TMEM269: variants seen among roughly 807,000 people sequenced by gnomAD.
The protein encoded by TMEM269 is transmembrane protein 269.
TMEM269 carries 12 observed loss-of-function variants against 15.8 expected under a neutral mutation model. The ratio of observed to expected loss-of-function variants is 0.76; its 90% CI spans 0.49 to 1.23. TMEM269 has a LOEUF of 1.23. Among genes scored for constraint, TMEM269 ranks in the 50% most tolerant of loss-of-function variants. TMEM269 has a pLI of 0.00. For synonymous variants in TMEM269, 93 were observed against 99.3 expected, an observed-to-expected ratio of 0.94 and a Z score of 0.38; for missense variants, 211 against 245.4, an observed-to-expected ratio of 0.86 and a Z score of 0.94.
rs976017722 is a variant in TMEM269 at position 42,800,066 on chromosome 1, T to C, written c.*1841T>C. ...ATGCAATTCTGAAAGAGAATTTCCA[T>C]GTCCATTTTAAGTGACAGCAGCAGA... On this transcript the variant is annotated 3_prime_UTR_variant, in exon 6 of 6. Transcript: ENST00000637012. 17 of 152,224 alleles carry C rather than the reference T, an allele frequency of 1.1e-4. No individual in the cohort carries two copies. Among genetic ancestry groups the C allele is most frequent in the Admixed American group, 9.8e-4 (15 of 15,278 alleles). 9.4% of individuals were successfully genotyped at this position (152,224 alleles called of 1,614,324 possible). A position where few individuals can be genotyped will look rare whatever the true frequency, so the allele number is the denominator to read the frequency against.
intron 5 of TMEM269, 117 bp downstream of exon 5, chr1:42,794,730 T>A: frequency 1.4e-6 from 1 of 736,068 alleles, no homozygotes; most frequent in Non-Finnish European, 2.3e-6. Flanking sequence ...ATAGAACTGA[T>A]AATCATCTGA....
In TMEM269 at chr1:42,788,578, A is replaced by T. The variant is rs1442059627; in HGVS notation, c.-98-1218A>T. ...GGAGAGACTGGGAGAGACTGGGAGC[A>T]CTGGGGGGCCTGGGCTGGACGGTCC... is the stretch of plus-strand genomic sequence containing the variant. On this transcript the variant is annotated intron_variant, in intron 1 of 5. Transcript: ENST00000637012. This position sits in a 1 kb window ranked among gnomAD's most constrained non-coding sequence, Gnocchi z 4.0. Among the ~76,000 whole-genome samples the T allele has an allele frequency of 6.6e-6, 1 of 152,112 alleles. No individual in the cohort carries two copies. Among genetic ancestry groups the T allele is most frequent in the Non-Finnish European group, 1.5e-5 (1 of 68,016 alleles).
chr1:42,793,798 G>A, intron 4 of TMEM269, 54 bp downstream of exon 4: 1 of 1,511,170 alleles, frequency 6.6e-7, no homozygotes, highest in South Asian at 1.3e-5. Context: ...ACAGAACGGG[G>A]GGCTGTCGGG....
At chr1:42,795,645 G>C (rs933864751) in intron 5 of TMEM269, among the ~76,000 whole-genome samples, 2 of 152,182 alleles carry the variant, frequency 1.3e-5, no homozygotes, top group Non-Finnish European at 2.9e-5. Flanking sequence ...ACTGAGCACT[G>C]GGCTCCAGGC....
intron 5 of TMEM269, among the ~76,000 whole-genome samples, chr1:42,795,541 G>T (rs1010805382): frequency 6.6e-6 from 1 of 152,166 alleles, no homozygotes; most frequent in African/African-American, 2.4e-5. Flanking sequence ...GAGATAAAGA[G>T]AAGTGAATGG....
rs948819501 is a variant in TMEM269, at chr1:42,798,569, G to A, written c.*344G>A. The A allele has an allele frequency of 7.8e-6, 2 of 256,658 alleles. No individual in the cohort carries two copies. Among genetic ancestry groups the A allele is most frequent in the African/African-American group, 4.4e-5 (2 of 45,940 alleles). 15.9% of individuals were successfully genotyped at this position (256,658 alleles called of 1,614,324 possible). A position where few individuals can be genotyped will look rare whatever the true frequency, so the allele number is the denominator to read the frequency against. On this transcript the variant is annotated 3_prime_UTR_variant, in exon 6 of 6. Coordinates refer to ENST00000637012, the MANE Select transcript of TMEM269 (RefSeq NM_001354602.2). ...GTCCATCCCTTGGAAAGGAGTGAGA[G>A]CCTTCAGAACTGGTATTGGCCTCAG...
intron 2 of TMEM269, among the ~76,000 whole-genome samples, chr1:42,791,514 T>TA (rs374862408): frequency 2.0e-5 from 3 of 151,918 alleles, no homozygotes; most frequent in South Asian, 2.1e-4. Context: ...TGTTTTGAAC[T>TA]AAAAAAAATG....
In TMEM269 at chr1:42,798,158, C is replaced by A; in HGVS notation, c.545C>A (p.Ser182Ter). The A allele has an allele frequency of 1.3e-6, 2 of 1,550,586 alleles. No homozygotes were observed. The highest frequency in any genetic ancestry group is 1.7e-6 in the Non-Finnish European group (2 of 1,147,118). The change falls in exon 6 of 6, where the codon TCG (serine) becomes TAG (stop). Residue 182 changes from serine (S) to a stop codon, truncating the protein, a stop_gained. Transcript: ENST00000637012. LOFTEE classifies it high-confidence loss of function. ...SLSAFYCLMW[S>*]LSYIFFPDAL... ...TCTGCTTTTTACTGCCTGATGTGGT[C>A]GCTCTCGTACATCTTCTTTCCAGAT...
chr1:42,789,095 G>A (rs1276914812), intron 1 of TMEM269, among the ~76,000 whole-genome samples: 1 of 151,914 alleles, frequency 6.6e-6, no homozygotes, highest in African/African-American at 2.4e-5. Context: ...GCTAATTTTT[G>A]TATTTTTAGT....
At chr1:42,793,053 A>C (rs1653727923) in intron 3 of TMEM269, among the ~76,000 whole-genome samples, 151 bp downstream of exon 3, 1 of 152,178 alleles carries the variant, frequency 6.6e-6, no homozygotes, top group African/African-American at 2.4e-5. Flanking sequence ...GCAGCCCTGG[A>C]GCAGGAGTTC....
chr1:42,799,418 T>C lies in TMEM269; in HGVS notation c.*1193T>C, dbSNP rs1394379233. Reference sequence around the variant, plus strand: ...TAACTTTTTTAAGTTTCCAGAACAATGTATGTGGTAAATATACATCTATTC... The same window carrying C: ...TAACTTTTTTAAGTTTCCAGAACAACGTATGTGGTAAATATACATCTATTC... On this transcript the variant is annotated 3_prime_UTR_variant, in exon 6 of 6. Transcript: ENST00000637012. 2 of 152,096 alleles carry C rather than the reference T, an allele frequency of 1.3e-5. No individual in the cohort carries two copies. Among genetic ancestry groups the C allele is most frequent in the Admixed American group, 6.5e-5 (1 of 15,280 alleles). The allele number at this position is 152,096 out of a possible 1,614,324, so 9.4% of individuals were successfully genotyped here. A position where few individuals can be genotyped will look rare whatever the true frequency, so the allele number is the denominator to read the frequency against.
intron 1 of TMEM269, chr1:42,789,327 C>G (rs1294205802): frequency 1.1e-6 from 1 of 942,412 alleles, no homozygotes. Flanking sequence ...CAGCTGCAGC[C>G]CTGTGCTTCA....
Position 42,793,658 on chromosome 1 carries a change from T to C in TMEM269, c.197T>C (p.Leu66Pro), listed in dbSNP as rs1490214832. Residue 66 changes from leucine (L) to proline (P), a missense_variant, in exon 4 of 6, where the codon CTC becomes CCC. Coordinates refer to ENST00000637012, the MANE Select transcript of TMEM269 (RefSeq NM_001354602.2). The stretch of plus-strand genomic sequence containing the variant: ...ACCTTCGGCTTGGCCTCCGCTCTGC[T>C]CCTAGGCGTGGATGGACTTCTGAGT... Reference protein sequence around the residue: ...FTTFGLASALLLGVDGLLSGI... With the variant: ...FTTFGLASALPLGVDGLLSGI... The C allele has an allele frequency of 1.4e-5, 21 of 1,550,594 alleles. No homozygotes were observed. Among genetic ancestry groups the C allele is most frequent in the Non-Finnish European group, 1.8e-5 (21 of 1,146,990 alleles).
intron 1 of TMEM269, chr1:42,789,272 G>T (rs1653604764): frequency 3.3e-6 from 2 of 610,262 alleles, no homozygotes; most frequent in South Asian, 3.8e-5. Context: ...AAGTAGGCCT[G>T]CTGTTCTGAC....
At position 42,798,306 on chromosome 1, in the gene TMEM269, T is replaced by A; in HGVS notation, c.*81T>A. 5 of 1,512,474 alleles carry A rather than the reference T, an allele frequency of 3.3e-6. No individual in the cohort carries two copies. The highest frequency in any genetic ancestry group is 4.4e-6 in the Non-Finnish European group (5 of 1,128,430). 93.7% of individuals were successfully genotyped at this position (1,512,474 alleles called of 1,614,324 possible). A position where few individuals can be genotyped will look rare whatever the true frequency, so the allele number is the denominator to read the frequency against. ...TATTGGGTCAAGCCTGCACTAAAGC[T>A]TTGTATGTACCTGTGTTGCCATATA... On this transcript the variant is annotated 3_prime_UTR_variant, in exon 6 of 6. Coordinates refer to ENST00000637012, the MANE Select transcript of TMEM269 (RefSeq NM_001354602.2).
chr1:42,789,608 C>G, intron 1 of TMEM269, 188 bp from the exon 2 acceptor site: 4 of 1,073,690 alleles, frequency 3.7e-6, no homozygotes, highest in Non-Finnish European at 5.5e-6. Context: ...GACGCTGGAT[C>G]CTCAGCACCT....
chr1:42,792,621 A>C (rs995225177), intron 2 of TMEM269, among the ~76,000 whole-genome samples, 184 bp from the exon 3 acceptor site: 2 of 152,106 alleles, frequency 1.3e-5, no homozygotes, highest in African/African-American at 2.4e-5. Flanking sequence ...GTGGTGCAAA[A>C]AGCAGCATAT....
chr1:42,797,363 T>C lies in TMEM269; in HGVS notation c.485-735T>C, dbSNP rs567460478. On this transcript the variant is annotated intron_variant, in intron 5 of 5. Coordinates refer to ENST00000637012, the MANE Select transcript of TMEM269 (RefSeq NM_001354602.2). This position sits in a 1 kb window ranked among gnomAD's most constrained non-coding sequence, Gnocchi z 4.9. ...CCTCTCCCAGTAGAGTCACACGAGA[T>C]GCACTTAATTCCTCAGCACTGAATT... Among the ~76,000 whole-genome samples, 1 of 152,104 alleles carries C rather than the reference T, an allele frequency of 6.6e-6. No individual in the cohort carries two copies. The highest frequency in any genetic ancestry group is 6.5e-5 in the Admixed American group (1 of 15,278).
chr1:42,795,646 G>T (rs376596887), intron 5 of TMEM269, among the ~76,000 whole-genome samples: 23 of 152,172 alleles, frequency 1.5e-4, no homozygotes, highest in African/African-American at 4.3e-4. Context: ...CTGAGCACTG[G>T]GCTCCAGGCC....
Sources: gnomAD v4.1 joint callset for allele counts (sites outside exome capture counted in the v4.1 genomes callset) on GRCh38, gnomAD v4.1.1 for gene constraint, Gnocchi (gnomAD v3.1) non-coding constraint, MANE v1.5 for transcripts, NCBI Gene and HGNC (gene_info 2026-07-23, HGNC 2026-07-21) for gene names.